Variants in CSGALNACT1 observed in about 807,000 individuals in gnomAD.
The protein encoded by CSGALNACT1 is chondroitin sulfate N-acetylgalactosaminyltransferase 1.
A neutral mutation model predicts 51.0 loss-of-function variants in CSGALNACT1; 52 were observed. The observed-to-expected ratio is 1.02, with a 90% CI of 0.82 to 1.29. CSGALNACT1 has a LOEUF of 1.29. Ranked by LOEUF, CSGALNACT1 falls within the 50% of genes most tolerant of loss-of-function variation. The pLI is 0.00. For missense variants in CSGALNACT1, 935 were observed against 679.2 expected, an observed-to-expected ratio of 1.38 and a Z score of -4.19; for synonymous variants, 341 against 254.4, an observed-to-expected ratio of 1.34 and a Z score of -3.24.
chr8:19,500,764 A>G (rs1020801052), intron 4 of CSGALNACT1, among the ~76,000 whole-genome samples: 15 of 152,186 alleles, frequency 9.9e-5, no homozygotes, highest in Admixed American at 5.2e-4. Flanking sequence ...ACGTATCTCA[A>G]GGTGCCCTCT....
intron 1 of CSGALNACT1, among the ~76,000 whole-genome samples, chr8:19,637,546 C>T (rs774938195): frequency 2.6e-5 from 4 of 152,114 alleles, no homozygotes; most frequent in African/African-American, 4.8e-5. Context: ...TAATGTTAGC[C>T]GAACAGTTAT....
intron 3 of CSGALNACT1, among the ~76,000 whole-genome samples, chr8:19,544,667 C>A (rs2086057511): frequency 6.6e-6 from 1 of 152,276 alleles, no homozygotes; most frequent in East Asian, 1.9e-4. Context: ...TAATGTGGAA[C>A]AGGGCCCCAT....
In CSGALNACT1 at chr8:19,505,182, C is replaced by A. The variant is rs201018269; in HGVS notation, c.634+19G>T. ...AATTCCTTTTCTTCTCCTTTCCCCC[C>A]AATTCACAAAATGCTAACCTTCTAT... On this transcript the variant is annotated intron_variant, in intron 4 of 9. Transcript: ENST00000454498. 6.2e-7 allele frequency: 1 copy of A among 1,614,060 alleles called. No individual in the cohort carries two copies. The highest frequency in any genetic ancestry group is 8.5e-7 in the Non-Finnish European group (1 of 1,179,944).
intron 6 of CSGALNACT1, 64 bp from the exon 6 acceptor site, chr8:19,420,582 ATATG>A: frequency 6.6e-7 from 1 of 1,524,866 alleles, no homozygotes; most frequent in Non-Finnish European, 9.1e-7. Context: ...CCCTGAGAAA[ATATG>A]TAATCAGGGC....
At chr8:19,754,040 A>ATTTTTTT (rs11380465) in intron 1 of CSGALNACT1, among the ~76,000 whole-genome samples, 1 of 150,672 alleles carries the variant, frequency 6.6e-6, no homozygotes. Context: ...ATGTGGCTCC[A>ATTTTTTT]TTTTCTTTTT....
chr8:19,576,112 T>C (rs574758990), intron 3 of CSGALNACT1, among the ~76,000 whole-genome samples: 26 of 152,140 alleles, frequency 1.7e-4, no homozygotes, highest in Non-Finnish European at 2.6e-4. Context: ...CAGGCTCCTC[T>C]GATGATAGAG....
intron 2 of CSGALNACT1, among the ~76,000 whole-genome samples, chr8:19,592,685 C>T (rs1211883868): frequency 6.6e-6 from 1 of 152,122 alleles, no homozygotes; most frequent in Admixed American, 6.5e-5. Flanking sequence ...GCCTGGAAGG[C>T]AGAGGCTGCA....
chr8:19,601,202 A>G (rs1187944788), intron 2 of CSGALNACT1, among the ~76,000 whole-genome samples: 1 of 152,208 alleles, frequency 6.6e-6, no homozygotes, highest in East Asian at 1.9e-4. Context: ...TTGTCCCCGG[A>G]CTAAAACCAA....
At chr8:19,587,659 T>G (rs10100557) in intron 3 of CSGALNACT1, among the ~76,000 whole-genome samples, 26,455 of 152,092 alleles carry the variant, frequency 0.17, 3,123 homozygotes, top group African/African-American at 0.34. Flanking sequence ...CAGATGCCCT[T>G]TATGATATTA....
intron 3 of CSGALNACT1, among the ~76,000 whole-genome samples, chr8:19,570,721 G>A (rs1285222962): frequency 6.6e-6 from 1 of 152,182 alleles, no homozygotes; most frequent in East Asian, 1.9e-4. Context: ...CCAACATGGT[G>A]AAACCCCATG....
rs2054242221 is a variant in CSGALNACT1 at position 19,406,622 on chromosome 8, GT to G, written c.1310-554del. On this transcript the variant is annotated intron_variant, in intron 9 of 9. Coordinates refer to ENST00000454498, the Ensembl canonical transcript of CSGALNACT1. ...CATAATAATTAAAAATAGAGGTTTC[GT>G]AAAAAAAAAAAAAAAAAAAAAAAAA... 2.2e-4 allele frequency among the ~76,000 whole-genome samples: 10 copies of G among 46,104 alleles called. No individual in the cohort carries two copies. The South Asian group carries it at 7.0e-3, about 32-fold the overall frequency. 30.2% of individuals were successfully genotyped at this position (46,104 alleles called of 152,430 possible). A position where few individuals can be genotyped will look rare whatever the true frequency, so the allele number is the denominator to read the frequency against.
Position 19,647,359 on chromosome 8 carries a change from T to C in CSGALNACT1, c.-544+35114A>G, listed in dbSNP as rs141841179. Among the ~76,000 whole-genome samples, 296 of 152,278 alleles carry C rather than the reference T, an allele frequency of 1.9e-3. 1 individual carries two copies. The highest frequency in any genetic ancestry group is 6.7e-3 in the African/African-American group (279 of 41,552). ...TTGAGGTCAGGAGTTCAAGGATGTATTGAGTTGGAATCATGCCACTGCACT... is the reference window on the plus strand; with the variant it reads ...TTGAGGTCAGGAGTTCAAGGATGTACTGAGTTGGAATCATGCCACTGCACT... On this transcript the variant is annotated intron_variant, in intron 1 of 9. Transcript: ENST00000332246.
intron 1 of CSGALNACT1, among the ~76,000 whole-genome samples, chr8:19,675,477 C>T (rs2060108370): frequency 1.3e-5 from 2 of 152,030 alleles, no homozygotes; most frequent in Non-Finnish European, 2.9e-5. Context: ...GAGAGAGATC[C>T]TCTAATTCTT....
At chr8:19,645,027 G>T (rs930805067) in intron 1 of CSGALNACT1, among the ~76,000 whole-genome samples, 55 of 152,120 alleles carry the variant, frequency 3.6e-4, no homozygotes, top group African/African-American at 1.3e-3. Flanking sequence ...AAGGATCTAT[G>T]TAAAAGTCTT....
At chr8:19,593,974 A>G (rs990989826) in intron 2 of CSGALNACT1, among the ~76,000 whole-genome samples, 6 of 152,174 alleles carry the variant, frequency 3.9e-5, no homozygotes, top group African/African-American at 1.4e-4. Flanking sequence ...GGTGACTTGG[A>G]GACAGAATAT....
chr8:19,588,285 C>T (rs1359371860), intron 3 of CSGALNACT1, among the ~76,000 whole-genome samples: 1 of 152,140 alleles, frequency 6.6e-6, no homozygotes, highest in Admixed American at 6.5e-5. Context: ...TGAAAAATGC[C>T]ATAGGCAGGG....
Position 19,458,651 on chromosome 8 carries a change from A to AG in CSGALNACT1, c.635-10dup, listed in dbSNP as rs1302475794. The AG allele has an allele frequency of 6.2e-7, 1 of 1,613,082 alleles. No homozygotes were observed. The highest frequency in any genetic ancestry group is 8.5e-7 in the Non-Finnish European group (1 of 1,179,118). ...TTCTGTTCGGTAGATCCCTGTTAAGAGAAAAACAAGGAAAGATAGTTCTAA... is the reference window on the plus strand; with the variant it reads ...TTCTGTTCGGTAGATCCCTGTTAAGAGGAAAAACAAGGAAAGATAGTTCTAA... On this transcript the variant is annotated splice_polypyrimidine_tract_variant and intron_variant, in intron 4 of 9. Coordinates refer to ENST00000454498, the Ensembl canonical transcript of CSGALNACT1.
At chr8:19,638,047 G>C (rs17480748) in intron 1 of CSGALNACT1, among the ~76,000 whole-genome samples, 1 of 152,104 alleles carries the variant, frequency 6.6e-6, no homozygotes, top group Non-Finnish European at 1.5e-5. Context: ...AGGAAGTTTC[G>C]ATGAAGGTAT....
intron 5 of CSGALNACT1, among the ~76,000 whole-genome samples, chr8:19,445,546 G>A (rs1015159950): frequency 9.9e-5 from 15 of 152,134 alleles, no homozygotes; most frequent in Non-Finnish European, 1.6e-4. Context: ...GCATTCATTC[G>A]TGTACTCTTC....
Sources: gnomAD v4.1 joint callset for allele counts (sites outside exome capture counted in the v4.1 genomes callset) on GRCh38, gnomAD v4.1.1 for gene constraint, MANE v1.5 for transcripts, NCBI Gene and HGNC (gene_info 2026-07-23, HGNC 2026-07-21) for gene names.